The following DLGAP2 variants were observed in gnomAD, a reference collection of about 807,000 sequenced individuals.
DLGAP2 encodes the protein disks large-associated protein 2.
A neutral mutation model predicts 100.3 loss-of-function variants in DLGAP2; 26 were observed. The observed-to-expected ratio is 0.26, with a 90% CI of 0.19 to 0.36. The LOEUF (loss-of-function observed/expected upper bound fraction) is 0.36. Ranked by LOEUF, DLGAP2 falls within the 10% of genes least tolerant of loss-of-function variation. The probability of loss-of-function intolerance (pLI) is 1.00; values close to 1 mark genes in which losing one functional copy is unlikely to be tolerated. For missense variants in DLGAP2, 1,858 were observed against 1,453.2 expected (o/e 1.28, Z -4.53); for synonymous variants, 886 against 630.1 (o/e 1.41, Z -6.08).
At chr8:1,274,905 G>A (rs1296902331) in intron 3 of DLGAP2, among the ~76,000 whole-genome samples, 1 of 151,988 alleles carries the variant, frequency 6.6e-6, no homozygotes, top group Admixed American at 6.6e-5. Context: ...AATATTCCTT[G>A]TAGACCTCTC....
chr8:1,320,815 T>C (rs6996978), intron 3 of DLGAP2, among the ~76,000 whole-genome samples: 98,116 of 152,120 alleles, frequency 0.64, 31,967 homozygotes, highest in South Asian at 0.79. Context: ...CTGGAGGTGC[T>C]GCCACCTGTG....
At chr8:1,565,615 A>T in intron 5 of DLGAP2, 68 bp from the exon 6 acceptor site, 1 of 1,312,082 alleles carries the variant, frequency 7.6e-7, no homozygotes, top group Non-Finnish European at 1.1e-6. Context: ...ATTTGTTTCC[A>T]AAAAGGAGCT....
At chr8:1,232,385 C>T (rs1585173480) in intron 2 of DLGAP2, among the ~76,000 whole-genome samples, 2 of 152,334 alleles carry the variant, frequency 1.3e-5, no homozygotes, top group South Asian at 4.1e-4. Flanking sequence ...CCTCTGTCCT[C>T]ATCATTCCAG....
chr8:798,627 T>C (rs4075763), intron 1 of DLGAP2, among the ~76,000 whole-genome samples: 2,544 of 25,432 alleles, frequency 0.1, no homozygotes, highest in East Asian at 0.26. Context: ...CGTGCCCCGG[T>C]GCTGGCCAGG....
intron 2 of DLGAP2, among the ~76,000 whole-genome samples, chr8:1,222,031 C>A (rs931366220): frequency 6.6e-6 from 1 of 152,206 alleles, no homozygotes; most frequent in Non-Finnish European, 1.5e-5. Context: ...CAACCTCATT[C>A]TGAATCTTGA....
At chr8:920,486 T>C (rs1041191618) in intron 2 of DLGAP2, among the ~76,000 whole-genome samples, 1 of 152,220 alleles carries the variant, frequency 6.6e-6, no homozygotes, top group Non-Finnish European at 1.5e-5. Context: ...GCAGGCACAG[T>C]GGCTGATGCC....
intron 1 of DLGAP2, among the ~76,000 whole-genome samples, chr8:789,954 G>C (rs948009179): frequency 6.6e-6 from 1 of 152,208 alleles, no homozygotes; most frequent in African/African-American, 2.4e-5. Flanking sequence ...TCTGATCTCT[G>C]TTTTGTCCTG....
intron 2 of DLGAP2, among the ~76,000 whole-genome samples, chr8:1,060,071 G>A (rs969752413): frequency 1.3e-5 from 2 of 152,184 alleles, no homozygotes; most frequent in African/African-American, 4.8e-5. Context: ...GGGGCTTCAA[G>A]TTCCTCCACA....
chr8:1,351,777 G>T (rs1357525893), intron 3 of DLGAP2, among the ~76,000 whole-genome samples: 1 of 74,932 alleles, frequency 1.3e-5, no homozygotes, highest in Non-Finnish European at 2.8e-5. Context: ...AGGCCGTGCG[G>T]GTCCTGACTG....
chr8:802,398 AGT>A (rs1350422695), intron 1 of DLGAP2, among the ~76,000 whole-genome samples: 7 of 152,082 alleles, frequency 4.6e-5, no homozygotes, highest in South Asian at 2.1e-4. Flanking sequence ...TCCTGGTTGA[AGT>A]CAGTGCTCTG....
Position 1,610,283 on chromosome 8 carries a change from T to G in DLGAP2, c.1443-16457T>G, listed in dbSNP as rs1323312653. On this transcript the variant is annotated intron_variant, in intron 6 of 14. Coordinates refer to ENST00000637795, the MANE Select transcript of DLGAP2 (RefSeq NM_001346810.2). ...GGAAACTAAACAACCTGCTCCTGAA[T>G]GACTACTGGGTACATAACGAAATGA... Among the ~76,000 whole-genome samples, 4 of 152,168 alleles carry G rather than the reference T, an allele frequency of 2.6e-5. No individual in the cohort carries two copies. The East Asian group carries it at 7.7e-4, about 29-fold the overall frequency.
intron 3 of DLGAP2, among the ~76,000 whole-genome samples, chr8:1,274,225 A>C (rs1240570209): frequency 6.6e-6 from 1 of 152,054 alleles, no homozygotes; most frequent in Non-Finnish European, 1.5e-5. Context: ...TTATTTAACA[A>C]ATAAAATTAT....
chr8:779,062 G>A (rs561115672), intron 1 of DLGAP2, among the ~76,000 whole-genome samples: 8 of 152,350 alleles, frequency 5.3e-5, no homozygotes, highest in African/African-American at 1.4e-4. Context: ...TTTCAAGCCC[G>A]TCAGAAAAGC....
chr8:1,413,183 TC>T (rs1444794371), intron 3 of DLGAP2, among the ~76,000 whole-genome samples: 3 of 152,198 alleles, frequency 2.0e-5, no homozygotes, highest in African/African-American at 7.2e-5. Flanking sequence ...ATGGCTTGTC[TC>T]CCTCCTCTCT....
intron 2 of DLGAP2, among the ~76,000 whole-genome samples, chr8:1,203,125 CGTTT>C (rs1421695075): frequency 1.3e-5 from 2 of 151,926 alleles, no homozygotes; most frequent in African/African-American, 4.8e-5. Context: ...TTTGTTAGTT[CGTTT>C]GTTTGTTCGT....
chr8:1,680,728 C>G (rs1197383333), intron 12 of DLGAP2: 2 of 152,232 alleles, frequency 1.3e-5, no homozygotes, highest in African/African-American at 4.8e-5. Context: ...ATTTTGATAT[C>G]TAAAAATCAC....
intron 8 of DLGAP2, among the ~76,000 whole-genome samples, chr8:1,660,006 G>T (rs1452541851): frequency 6.6e-6 from 1 of 152,096 alleles, no homozygotes; most frequent in Admixed American, 6.5e-5. Context: ...ATGTTTAGTG[G>T]TTCATTCGGG....
intron 2 of DLGAP2, among the ~76,000 whole-genome samples, chr8:1,114,463 T>C (rs1016191551): frequency 2.0e-5 from 3 of 152,162 alleles, no homozygotes; most frequent in African/African-American, 7.2e-5. Context: ...CCATCTCTTC[T>C]AGGTTTTCTA....
chr8:1,556,345 C>G (rs1223518869), intron 5 of DLGAP2, among the ~76,000 whole-genome samples: 3 of 151,942 alleles, frequency 2.0e-5, no homozygotes, highest in Admixed American at 6.5e-5. Context: ...CCTCTCCCAC[C>G]CAGGACAGCT....
Sources: gnomAD v4.1 joint callset for allele counts (sites outside exome capture counted in the v4.1 genomes callset) on GRCh38, gnomAD v4.1.1 for gene constraint, MANE v1.5 for transcripts, NCBI Gene and HGNC (gene_info 2026-07-23, HGNC 2026-07-21) for gene names.